The following ZPBP variants were observed in gnomAD, a reference collection of about 807,000 sequenced individuals.
The protein encoded by ZPBP is zona pellucida binding protein, also known as zona pellucida-binding protein 1.
A neutral mutation model predicts 44.8 loss-of-function variants in ZPBP; 26 were observed. The ratio of observed to expected loss-of-function variants is 0.58; its 90% CI spans 0.43 to 0.81. The LOEUF is 0.81. Among genes scored for constraint, ZPBP ranks in the 30% least tolerant of loss-of-function variants. The probability of loss-of-function intolerance (pLI) is 0.00; values close to 1 mark genes in which losing one functional copy is unlikely to be tolerated. For synonymous variants in ZPBP, 174 were observed against 153.2 expected, an observed-to-expected ratio of 1.14 and a Z score of -1.00; for missense variants, 409 against 434.0, an observed-to-expected ratio of 0.94 and a Z score of 0.51.
At chr7:50,072,118 C>T (rs1801868164) in intron 3 of ZPBP, among the ~76,000 whole-genome samples, 1 of 152,228 alleles carries the variant, frequency 6.6e-6, no homozygotes, top group South Asian at 2.1e-4. Flanking sequence ...CATTTCTGAA[C>T]TTGCCCTGGG....
At chr7:50,035,899 T>C (rs1054940123) in intron 4 of ZPBP, among the ~76,000 whole-genome samples, 10 of 151,636 alleles carry the variant, frequency 6.6e-5, no homozygotes, top group Admixed American at 2.6e-4. Flanking sequence ...CAAAAACAAG[T>C]GGGGATTATA....
intron 3 of ZPBP, among the ~76,000 whole-genome samples, chr7:50,070,631 G>A (rs1326104685): frequency 6.6e-6 from 1 of 152,168 alleles, no homozygotes; most frequent in Non-Finnish European, 1.5e-5. Flanking sequence ...TGGGGTTCAG[G>A]AGGATATTTA....
At chr7:50,003,048 T>C (rs1242646697) in intron 6 of ZPBP, among the ~76,000 whole-genome samples, 2 of 152,196 alleles carry the variant, frequency 1.3e-5, no homozygotes, top group Non-Finnish European at 2.9e-5. Context: ...TTGCTAATAA[T>C]TCCCTACTTG....
chr7:49,846,430 T>G (rs779948675), downstream of ZPBP, among the ~76,000 whole-genome samples: 2 of 152,216 alleles, frequency 1.3e-5, no homozygotes, highest in Non-Finnish European at 2.9e-5. Context: ...TTTTGACATC[T>G]GCAGAACAAC....
At chr7:49,888,942 C>T (rs1035455059) in intron 2 of ZPBP, among the ~76,000 whole-genome samples, 1 of 151,584 alleles carries the variant, frequency 6.6e-6, no homozygotes, top group Non-Finnish European at 1.5e-5. Context: ...CAAAAAAAAA[C>T]AAAAGAAGTG....
chr7:49,866,125 T>TGG (rs1372494563), intron 2 of ZPBP, among the ~76,000 whole-genome samples: 2 of 152,198 alleles, frequency 1.3e-5, no homozygotes, highest in Non-Finnish European at 2.9e-5. Flanking sequence ...CTCCTTCATA[T>TGG]CGCCTCTAAA....
At chr7:50,062,499 A>G (rs1405742383) in intron 3 of ZPBP, among the ~76,000 whole-genome samples, 1 of 152,234 alleles carries the variant, frequency 6.6e-6, no homozygotes, top group African/African-American at 2.4e-5. Context: ...GGAACAGAAT[A>G]GAGACCCCAC....
chr7:49,938,999 G>A (rs1794739132), intron 7 of ZPBP, among the ~76,000 whole-genome samples: 1 of 152,026 alleles, frequency 6.6e-6, no homozygotes, highest in Non-Finnish European at 1.5e-5. Context: ...TTTTATTTGG[G>A]AGAATAATGT....
the ZPBP span, among the ~76,000 whole-genome samples, chr7:49,843,911 G>A: frequency 9.2e-5 from 14 of 152,318 alleles, 1 homozygote; most frequent in East Asian, 2.1e-3. Context: ...TGGAGAGATA[G>A]CAGAGCTTTA....
rs544145277 is a variant in ZPBP at position 50,085,761 on chromosome 7, C to A, written c.209-3862G>T. ...TACACTGAGCAACAATTGGGGAAAA[C>A]AATAGGTTAACCAAAAACCTTAAGA... On this transcript the variant is annotated intron_variant, in intron 2 of 7. Coordinates refer to ENST00000046087, the MANE Select transcript of ZPBP (RefSeq NM_007009.3). 2.6e-5 allele frequency among the ~76,000 whole-genome samples: 4 copies of A among 152,122 alleles called. No homozygotes were observed. The East Asian group carries it at 7.7e-4, about 29-fold the overall frequency.
At chr7:50,026,333 A>G (rs1799326217) in intron 5 of ZPBP, among the ~76,000 whole-genome samples, 1 of 151,954 alleles carries the variant, frequency 6.6e-6, no homozygotes, top group African/African-American at 2.4e-5. Context: ...AAAGCAGATA[A>G]TAATAGTGGA....
chr7:49,858,516 G>A (rs979890802), intron 2 of ZPBP, among the ~76,000 whole-genome samples: 6 of 146,600 alleles, frequency 4.1e-5, no homozygotes, highest in African/African-American at 1.0e-4. Flanking sequence ...GACAACACAC[G>A]GACACAGGAA....
chr7:49,969,814 T>TAG (rs1360120043), intron 7 of ZPBP, among the ~76,000 whole-genome samples: 68 of 117,344 alleles, frequency 5.8e-4, no homozygotes, highest in Admixed American at 4.5e-3. Flanking sequence ...TATATATATA[T>TAG]ATATAGAGAG....
rs111854810 is a variant in ZPBP at position 49,864,055 on chromosome 7, T to C, written n.510-13541A>G. ...AAAATTGGAAATCAGACTGCCCTTC[T>C]TCCAGAGGTCTCCTGTTTTTGTTGT... On this transcript the variant is annotated intron_variant and non_coding_transcript_variant, in intron 2 of 2. Coordinates refer to the ZPBP transcript ENST00000465922. Among the ~76,000 whole-genome samples, 254 of 152,324 alleles carry C rather than the reference T, an allele frequency of 1.7e-3. 3 individuals carry two copies. The highest frequency in any genetic ancestry group is 5.7e-3 in the African/African-American group (237 of 41,562).
In ZPBP at chr7:49,856,281, G is replaced by T. The variant is rs182921100; in HGVS notation, n.510-5767C>A. Among the ~76,000 whole-genome samples, 71 of 152,186 alleles carry T rather than the reference G, an allele frequency of 4.7e-4. 1 individual carries two copies. The highest frequency in any genetic ancestry group is 1.5e-3 in the African/African-American group (63 of 41,526). The stretch of plus-strand genomic sequence containing the variant: ...GGTGCTCTCCCCTTGGTAATGAGTG[G>T]GTTCTCAATCTATTATCTCAAGTGA... On this transcript the variant is annotated intron_variant and non_coding_transcript_variant, in intron 2 of 2. Transcript: ENST00000465922.
chr7:49,940,225 C>T (rs1335121182), intron 7 of ZPBP, among the ~76,000 whole-genome samples: 1 of 152,080 alleles, frequency 6.6e-6, no homozygotes, highest in Non-Finnish European at 1.5e-5. Flanking sequence ...ATAAGCTTTC[C>T]TTTTGGCCTT....
intron 2 of ZPBP, among the ~76,000 whole-genome samples, chr7:49,898,178 G>A (rs1268661723): frequency 6.6e-6 from 1 of 151,828 alleles, no homozygotes; most frequent in Middle Eastern, 3.4e-3. Flanking sequence ...ATGTGTGTGT[G>A]TATATATGTG....
At chr7:49,937,319 A>G (rs1794654089), downstream of ZPBP, 4 of 508,604 alleles carry the variant, frequency 7.9e-6, no homozygotes, top group Non-Finnish European at 1.1e-5. Context: ...TACTAGAAAT[A>G]TTTTAGAATC....
intron 6 of ZPBP, among the ~76,000 whole-genome samples, chr7:49,984,941 G>A (rs575404773): frequency 6.6e-6 from 1 of 152,270 alleles, no homozygotes; most frequent in Non-Finnish European, 1.5e-5. Context: ...CACTGTGCAT[G>A]TGGAGTCTGC....
Sources: gnomAD v4.1 joint callset for allele counts (sites outside exome capture counted in the v4.1 genomes callset) on GRCh38, gnomAD v4.1.1 for gene constraint, MANE v1.5 for transcripts, NCBI Gene and HGNC (gene_info 2026-07-23, HGNC 2026-07-21) for gene names.